The following GOLGA4 variants were observed in gnomAD, a reference collection of about 807,000 sequenced individuals.
The protein encoded by GOLGA4 is golgin A4, also known as golgin subfamily A member 4.
GOLGA4 carries 169 observed loss-of-function variants against 265.9 expected under a neutral mutation model. That is an observed-to-expected ratio of 0.64 (90% CI 0.56 to 0.72). The LOEUF (loss-of-function observed/expected upper bound fraction) is 0.72, where lower values mean the gene tolerates loss of function less well. Among genes scored for constraint, GOLGA4 ranks in the 30% least tolerant of loss-of-function variants. The pLI, the probability that GOLGA4 is intolerant of heterozygous loss-of-function variation, is 0.00. For missense variants in GOLGA4, 2,482 were observed against 2,483.4 expected (o/e 1.00, Z 0.01); for synonymous variants, 923 against 855.8 (o/e 1.08, Z -1.37).
chr3:37,263,607 AT>A (rs1426522018), intron 2 of GOLGA4, among the ~76,000 whole-genome samples: 3 of 152,036 alleles, frequency 2.0e-5, no homozygotes, highest in African/African-American at 7.3e-5. Context: ...ATGTGTGTTT[AT>A]TTAGGAAGGA....
At chr3:37,287,238 G>A (rs1000205682) in intron 4 of GOLGA4, among the ~76,000 whole-genome samples, 1 of 152,188 alleles carries the variant, frequency 6.6e-6, no homozygotes, top group Non-Finnish European at 1.5e-5. Context: ...CTACTCGGGA[G>A]GCTGAGGCAG....
In GOLGA4 at chr3:37,327,137, C is replaced by T. The variant is rs557779900; in HGVS notation, c.5251C>T (p.Leu1751=). 18 of 1,613,566 alleles carry T rather than the reference C, an allele frequency of 1.1e-5. No homozygotes were observed. Among genetic ancestry groups the T allele is most frequent in the South Asian group, 4.4e-5 (4 of 91,048 alleles). The change falls in exon 14 of 24, where the codon CTA becomes TTA. Residue 1751 remains leucine (L), a synonymous_variant. Coordinates refer to ENST00000361924, the MANE Select transcript of GOLGA4 (RefSeq NM_002078.5). ...AAGAAACTTAACTGAAAAAGAAAAG[C>T]TATTGCAGAGGGTAGGGCAGGAAAA... ...LQRNLTEKEK[L]LQRVGQEKEE...
intron 16 of GOLGA4, chr3:37,329,304 A>G: frequency 2.5e-6 from 1 of 405,960 alleles, no homozygotes; most frequent in Non-Finnish European, 4.3e-6. Context: ...AGATTCTGCT[A>G]ACTAGGCAGC....
chr3:37,258,057 G>GTATGTATA (rs1235997896), intron 2 of GOLGA4, among the ~76,000 whole-genome samples: 2 of 68,902 alleles, frequency 2.9e-5, no homozygotes, highest in Admixed American at 1.6e-4. Flanking sequence ...ATATATATAT[G>GTATGTATA]TATGTATATA....
intron 2 of GOLGA4, among the ~76,000 whole-genome samples, chr3:37,281,727 A>C (rs535972574): frequency 3.3e-5 from 5 of 152,282 alleles, no homozygotes; most frequent in Admixed American, 2.6e-4. Context: ...AGGGCATTCT[A>C]CCTCTAGGTG....
chr3:37,331,448 C>T (rs542850842), intron 16 of GOLGA4, among the ~76,000 whole-genome samples: 1 of 152,104 alleles, frequency 6.6e-6, no homozygotes, highest in Non-Finnish European at 1.5e-5. Flanking sequence ...TTAAAAAATG[C>T]AAATACTACT....
chr3:37,248,295 G>A (rs1165068065), intron 1 of GOLGA4, among the ~76,000 whole-genome samples: 1 of 152,162 alleles, frequency 6.6e-6, no homozygotes, highest in Non-Finnish European at 1.5e-5. Context: ...TTCTTACACT[G>A]AAATTGAGTA....
At chr3:37,362,780 C>CCTTTTT (rs1375290747) in intron 23 of GOLGA4, among the ~76,000 whole-genome samples, 8 of 75,460 alleles carry the variant, frequency 1.1e-4, no homozygotes, top group African/African-American at 3.1e-4. Context: ...AGCCTCTAAG[C>CCTTTTT]TTTTTTTTTT....
chr3:37,276,425 A>G, intron 2 of GOLGA4: 3 of 1,609,216 alleles, frequency 1.9e-6, no homozygotes, highest in African/African-American at 1.3e-5. Flanking sequence ...CAAAGAAGCC[A>G]TCAGAGAGCA....
At chr3:37,335,004 T>G (rs2097005108) in intron 16 of GOLGA4, 49 bp from the exon 17 acceptor site, 2 of 1,134,892 alleles carry the variant, frequency 1.8e-6, no homozygotes, top group Non-Finnish European at 2.5e-6. Context: ...TGTTTACTAA[T>G]GCTTCTTTTT....
At chr3:37,341,509 G>A (rs1016739091) in intron 20 of GOLGA4, 5 of 152,166 alleles carry the variant, frequency 3.3e-5, no homozygotes, top group Admixed American at 6.5e-5. Flanking sequence ...TGTGGATCCT[G>A]TCCAAACTGG....
chr3:37,290,198 T>C (rs1039368622), intron 5 of GOLGA4, among the ~76,000 whole-genome samples: 3 of 152,280 alleles, frequency 2.0e-5, no homozygotes, highest in African/African-American at 7.2e-5. Flanking sequence ...ACTAGTATAA[T>C]TGTGGGAGGA....
At chr3:37,354,998 C>A in intron 21 of GOLGA4, 103 bp from the exon 22 acceptor site, 1 of 696,618 alleles carries the variant, frequency 1.4e-6, no homozygotes, top group Admixed American at 2.2e-5. Flanking sequence ...TCGTGGCTTT[C>A]ATTGAGAGCA....
chr3:37,343,140 A>G (rs2097043222), intron 20 of GOLGA4, among the ~76,000 whole-genome samples: 1 of 151,806 alleles, frequency 6.6e-6, no homozygotes, highest in Non-Finnish European at 1.5e-5. Flanking sequence ...TTTGTTTTCA[A>G]GACAGAGTTT....
chr3:37,298,870 C>A lies in GOLGA4; in HGVS notation c.852C>A (p.Leu284=). 1 of 1,612,018 alleles carries A rather than the reference C, an allele frequency of 6.2e-7. No individual in the cohort carries two copies. Among genetic ancestry groups the A allele is most frequent in the Non-Finnish European group, 8.5e-7 (1 of 1,179,322 alleles). The change falls in exon 8 of 24, where the codon CTC becomes CTA. Residue 284 remains leucine, a synonymous_variant. Transcript: ENST00000361924. ...CTTCTGTAAAAACACTGGAAACACT[C>A]CAGCAAAGAGTGAAGCGTCAAGAGA... is the stretch of plus-strand genomic sequence containing the variant. ...DGTSVKTLET[L]QQRVKRQENL... is the part of the protein sequence containing the mutation.
chr3:37,345,203 G>C lies in GOLGA4; in HGVS notation c.6473-1990G>C, dbSNP rs563954557. On this transcript the variant is annotated intron_variant, in intron 20 of 23. Transcript: ENST00000361924. ...CTATCCTGGGTGACAGTGAGACCCT[G>C]TCTCAAAATAATAATAATGTTGATT... Among the ~76,000 whole-genome samples, 9 of 152,298 alleles carry C rather than the reference G, an allele frequency of 5.9e-5. No individual in the cohort carries two copies. The East Asian group carries it at 1.7e-3, about 29-fold the overall frequency.
intron 2 of GOLGA4, among the ~76,000 whole-genome samples, chr3:37,275,066 A>T (rs1482467999): frequency 6.6e-6 from 1 of 151,650 alleles, no homozygotes; most frequent in African/African-American, 2.4e-5. Flanking sequence ...ACAAAAAAAA[A>T]TTAGCTGGGC....
intron 22 of GOLGA4, 136 bp from the exon 23 acceptor site, chr3:37,361,107 C>T: frequency 1.5e-6 from 1 of 679,092 alleles, no homozygotes; most frequent in East Asian, 2.6e-5. Context: ...TGCCTGTACA[C>T]CCTTGATTTG....
chr3:37,347,408 T>C lies in GOLGA4; in HGVS notation c.6576+112T>C, dbSNP rs899306817. On this transcript the variant is annotated intron_variant, in intron 21 of 23. Coordinates refer to ENST00000361924, the MANE Select transcript of GOLGA4 (RefSeq NM_002078.5). The stretch of plus-strand genomic sequence containing the variant: ...TTTACTATTAGCAAATCAGACATGC[T>C]AATAGTAGGTAATAGATAATTATTT... The C allele has an allele frequency of 2.6e-5, 15 of 570,562 alleles. No individual in the cohort carries two copies. The African/African-American group carries it at 2.9e-4, about 11-fold the overall frequency. 35.3% of individuals were successfully genotyped at this position (570,562 alleles called of 1,614,324 possible).
Sources: allele counts gnomAD v4.1 joint callset (sites outside exome capture counted in the v4.1 genomes callset), GRCh38; gene constraint gnomAD v4.1.1; transcripts MANE v1.5; gene names NCBI Gene and HGNC (gene_info 2026-07-23, HGNC 2026-07-21).